PALM2AKAP2: variants seen among roughly 807,000 people sequenced by gnomAD.
The protein encoded by PALM2AKAP2 is PALM2 and AKAP2 fusion, also known as PALM2-AKAP2 fusion protein.
PALM2AKAP2 carries 37 observed loss-of-function variants against 71.5 expected under a neutral mutation model. The ratio of observed to expected loss-of-function variants is 0.52; its 90% CI spans 0.40 to 0.68. The LOEUF is 0.68. Ranked by LOEUF, PALM2AKAP2 falls within the 30% of genes least tolerant of loss-of-function variation. The probability of loss-of-function intolerance (pLI) is 0.00; values close to 1 mark genes in which losing one functional copy is unlikely to be tolerated. For missense variants in PALM2AKAP2, 1,224 were observed against 1,191.8 expected, an observed-to-expected ratio of 1.03 and a Z score of -0.40; for synonymous variants, 468 against 478.8, an observed-to-expected ratio of 0.98 and a Z score of 0.29.
At position 110,109,585 on chromosome 9, in the gene PALM2AKAP2, C is replaced by G. The variant is rs1232513494; in HGVS notation, c.157-26542C>G. ...CTCAGGGAGCTCTGCCATAGCTTGA[C>G]ATGTCTTCTAGAACTACGTGCAAGG... On this transcript the variant is annotated intron_variant, in intron 1 of 3. Transcript: ENST00000374525. Among the ~76,000 whole-genome samples the G allele has an allele frequency of 3.9e-5, 6 of 152,224 alleles. No homozygotes were observed. The East Asian group carries it at 5.8e-4, about 15-fold the overall frequency.
chr9:110,141,311 A>G (rs369061191), intron 2 of PALM2AKAP2, among the ~76,000 whole-genome samples: 1 of 152,012 alleles, frequency 6.6e-6, no homozygotes, highest in African/African-American at 2.4e-5. Context: ...TCTGGTCCCT[A>G]CAAGGGGATG....
intron 1 of PALM2AKAP2, among the ~76,000 whole-genome samples, chr9:109,852,406 T>C (rs369242378): frequency 6.6e-5 from 10 of 152,310 alleles, no homozygotes; most frequent in African/African-American, 2.4e-4. Flanking sequence ...TTCCATGGTG[T>C]ATATGTACCA....
intron 5 of PALM2AKAP2, among the ~76,000 whole-genome samples, 188 bp from the exon 6 acceptor site, chr9:109,931,739 T>C (rs1367351627): frequency 6.6e-6 from 1 of 152,228 alleles, no homozygotes; most frequent in African/African-American, 2.4e-5. Flanking sequence ...CCAGGATCCC[T>C]CCTGCCTCAG....
chr9:110,035,350 T>TGTATAATACATATTATA, intron 7 of PALM2AKAP2, among the ~76,000 whole-genome samples: 1 of 142,806 alleles, frequency 7.0e-6, no homozygotes, highest in African/African-American at 2.6e-5. Flanking sequence ...ATTATATATA[T>TGTATAATACATATTATA]TATATGTATA....
intron 6 of PALM2AKAP2, among the ~76,000 whole-genome samples, chr9:110,009,485 C>A (rs1008196129): frequency 1.8e-4 from 28 of 151,922 alleles, no homozygotes; most frequent in African/African-American, 6.8e-4. Flanking sequence ...GAGGCCGAGG[C>A]GGGTGGATCA....
chr9:109,828,007 C>CCTGTGTG (rs369068410), intron 1 of PALM2AKAP2, among the ~76,000 whole-genome samples: 289 of 152,258 alleles, frequency 1.9e-3, no homozygotes, highest in African/African-American at 6.3e-3. Flanking sequence ...TACCTGCCTA[C>CCTGTGTG]CTGTGTGCTG....
At chr9:109,702,729 C>T (rs1033244191) in intron 1 of PALM2AKAP2, among the ~76,000 whole-genome samples, 8 of 149,534 alleles carry the variant, frequency 5.3e-5, no homozygotes, top group Non-Finnish European at 7.4e-5. Context: ...TGCACATGTG[C>T]CCTAAAACTT....
chr9:110,069,079 G>T (rs1268836901), intron 1 of PALM2AKAP2, among the ~76,000 whole-genome samples: 1 of 152,194 alleles, frequency 6.6e-6, no homozygotes, highest in Non-Finnish European at 1.5e-5. Flanking sequence ...CAAGATCAAA[G>T]GTCTCTAAGA....
chr9:109,749,713 T>G (rs2118708013), intron 1 of PALM2AKAP2, among the ~76,000 whole-genome samples: 1 of 152,314 alleles, frequency 6.6e-6, no homozygotes, highest in East Asian at 1.9e-4. Context: ...GTGATCTCCA[T>G]CTTCTTAATT....
chr9:110,135,164 A>ATATAT (rs1554755279), intron 1 of PALM2AKAP2, among the ~76,000 whole-genome samples: 4 of 51,742 alleles, frequency 7.7e-5, no homozygotes, highest in African/African-American at 1.5e-4. Context: ...AAAAAAAAAA[A>ATATAT]ATATATAAAT....
At chr9:109,862,232 A>G (rs1472416518) in intron 1 of PALM2AKAP2, among the ~76,000 whole-genome samples, 1 of 152,194 alleles carries the variant, frequency 6.6e-6, no homozygotes, top group Non-Finnish European at 1.5e-5. Flanking sequence ...TTGAGTTGTA[A>G]GTGGTAGAAA....
chr9:109,987,259 T>A (rs1057486156), intron 6 of PALM2AKAP2, among the ~76,000 whole-genome samples: 2 of 152,120 alleles, frequency 1.3e-5, no homozygotes, highest in African/African-American at 4.8e-5. Flanking sequence ...GCCTCCTGAG[T>A]AGCTGGGACT....
At chr9:109,824,979 A>G (rs1472045786) in intron 1 of PALM2AKAP2, among the ~76,000 whole-genome samples, 1 of 152,250 alleles carries the variant, frequency 6.6e-6, no homozygotes, top group Non-Finnish European at 1.5e-5. Flanking sequence ...TCGAAGGCTT[A>G]GAATTCAAAT....
At chr9:109,863,758 C>T (rs1484041903) in intron 1 of PALM2AKAP2, among the ~76,000 whole-genome samples, 2 of 152,080 alleles carry the variant, frequency 1.3e-5, no homozygotes, top group Non-Finnish European at 2.9e-5. Flanking sequence ...GGCTGGTTGC[C>T]TCTTGTCCAC....
chr9:109,884,433 G>GC (rs1304135015), intron 3 of PALM2AKAP2, among the ~76,000 whole-genome samples: 1 of 152,158 alleles, frequency 6.6e-6, no homozygotes, highest in Non-Finnish European at 1.5e-5. Context: ...CTGCACTCCA[G>GC]CCTGGCAACA....
At chr9:109,755,749 C>T (rs2096628268) in intron 1 of PALM2AKAP2, among the ~76,000 whole-genome samples, 1 of 152,004 alleles carries the variant, frequency 6.6e-6, no homozygotes, top group South Asian at 2.1e-4. Context: ...ATAATGCCCT[C>T]ATGACTATGT....
chr9:110,060,259 C>G (rs550370541), intron 1 of PALM2AKAP2, among the ~76,000 whole-genome samples: 1 of 151,920 alleles, frequency 6.6e-6, no homozygotes, highest in Non-Finnish European at 1.5e-5. Flanking sequence ...ACAACAGGTG[C>G]GCACCACAAC....
At chr9:109,777,060 T>C (rs1473298342), upstream of PALM2AKAP2, among the ~76,000 whole-genome samples, 1 of 152,224 alleles carries the variant, frequency 6.6e-6, no homozygotes, top group Non-Finnish European at 1.5e-5. Flanking sequence ...GAACCATGTT[T>C]TAGTCTTTCT....
chr9:110,128,713 C>G (rs1835670488), intron 1 of PALM2AKAP2, among the ~76,000 whole-genome samples: 2 of 152,308 alleles, frequency 1.3e-5, no homozygotes, highest in African/African-American at 4.8e-5. Flanking sequence ...GCTTTAACAG[C>G]CTGAGGATGG....
Sources: gnomAD v4.1 joint callset for allele counts (sites outside exome capture counted in the v4.1 genomes callset) on GRCh38, gnomAD v4.1.1 for gene constraint, MANE v1.5 for transcripts, NCBI Gene and HGNC (gene_info 2026-07-23, HGNC 2026-07-21) for gene names.